The following SLC9A6 variants were observed in gnomAD, a reference collection of about 807,000 sequenced individuals.
SLC9A6 encodes the protein solute carrier family 9 member A6, also known as sodium/hydrogen exchanger 6.
SLC9A6 carries 6 observed loss-of-function variants against 45.3 expected under a neutral mutation model. The observed-to-expected ratio is 0.13, with a 90% CI of 0.07 to 0.26. SLC9A6 has a LOEUF of 0.26. Ranked by LOEUF, SLC9A6 falls within the 10% of genes least tolerant of loss-of-function variation. The pLI is 1.00. For missense variants in SLC9A6, 278 were observed against 503.7 expected (o/e 0.55, Z 4.29); for synonymous variants, 191 against 187.7 (o/e 1.02, Z -0.14).
In SLC9A6 at chrX:135,998,890, G is replaced by A. The variant is rs1556616995; in HGVS notation, c.559G>A (p.Val187Ile). ...GTATGGCTGTGTAACGCTGATGAAG[G>A]TAACGGGACAACTTGCAGGAGATTT... ...IMYGCVTLMK[V>I]TGQLAGDFYF... Residue 187 changes from valine (V) to isoleucine (I), a missense_variant, in exon 6 of 18, where the codon GTA (valine) becomes ATA (isoleucine). By Grantham distance (29) the Val-to-Ile change is conservative (BLOSUM62 3). This residue lies in a region of SLC9A6 where 118 missense variants were observed against 209.9 expected (regional missense o/e 0.56). Transcript: ENST00000630721. The A allele has an allele frequency of 1.7e-6, 2 of 1,208,374 alleles. No homozygotes were observed. Among genetic ancestry groups the A allele is most frequent in the Admixed American group, 4.3e-5 (2 of 46,011 alleles).
rs1556614733 is a variant in SLC9A6 at position 135,985,560 on chromosome X, C to G, written c.-56-43C>G. On this transcript the variant is annotated intron_variant, in intron 1 of 17. Coordinates refer to ENST00000630721, the MANE Select transcript of SLC9A6 (RefSeq NM_001379110.1). ...CCGCCGTGGCGTCGGCAGCAGTCCC[C>G]GAGCCCGCAGGCTCATGCGGCCCCT... 3 of 1,191,698 alleles carry G rather than the reference C, an allele frequency of 2.5e-6. No individual in the cohort carries two copies. Among genetic ancestry groups the G allele is most frequent in the East Asian group, 6.0e-5 (2 of 33,149 alleles).
chrX:135,990,277 C>T (rs1257460471), intron 2 of SLC9A6, among the ~76,000 whole-genome samples: 4 of 112,186 alleles, frequency 3.6e-5, no homozygotes, highest in African/African-American at 1.3e-4. Context: ...TGAGCCACAG[C>T]ACCCAGCCAT....
At position 135,989,649 on chromosome X, in the gene SLC9A6, C is replaced by G. The variant is rs1345879952; in HGVS notation, c.169+3822C>G. On this transcript the variant is annotated intron_variant, in intron 2 of 17. Coordinates refer to ENST00000630721, the MANE Select transcript of SLC9A6 (RefSeq NM_001379110.1). ...CTGTAGAAATTGTATCAGTTTTGGT[C>G]ACACTTAATGCCCTAGTGATGTTCT... is the stretch of plus-strand genomic sequence containing the variant. Among the ~76,000 whole-genome samples, 2 of 112,056 alleles carry G rather than the reference C, an allele frequency of 1.8e-5. 1 individual carries two copies. Among genetic ancestry groups the G allele is most frequent in the Non-Finnish European group, 3.8e-5 (2 of 53,247 alleles).
chrX:135,977,166 T>C lies in SLC9A6; in HGVS notation c.-57+2383T>C, dbSNP rs956666669. On this transcript the variant is annotated intron_variant, in intron 1 of 16. Transcript: ENST00000636092. The stretch of plus-strand genomic sequence containing the variant: ...CTCTTAGAACAAAAGTCAAACCTCA[T>C]GAGAAAGTGCATTTAAATTCCTAAG... 6.2e-5 allele frequency among the ~76,000 whole-genome samples: 7 copies of C among 112,200 alleles called. No homozygotes were observed. The Admixed American group carries it at 6.6e-4, about 11-fold the overall frequency.
intron 1 of SLC9A6, among the ~76,000 whole-genome samples, chrX:135,979,021 C>T (rs928726386): frequency 9.1e-6 from 1 of 110,450 alleles, no homozygotes; most frequent in Non-Finnish European, 1.9e-5. Context: ...CATTTCTTCC[C>T]TGCTTTGTAA....
intron 6 of SLC9A6, among the ~76,000 whole-genome samples, chrX:136,001,493 A>G (rs1206557052): frequency 4.5e-5 from 5 of 111,524 alleles, no homozygotes; most frequent in African/African-American, 1.6e-4. Context: ...TTCTCATATA[A>G]TTGCTTTCCT....
In SLC9A6 at chrX:136,037,232, A is replaced by G. The variant is rs781988208; in HGVS notation, c.1662-2844A>G. ...TTTAAATTTTAGAAACAGCTTGTCA[A>G]TTTACACACATGTGCATGTGCACAC... On this transcript the variant is annotated intron_variant, in intron 16 of 17. Transcript: ENST00000630721. Among the ~76,000 whole-genome samples the G allele has an allele frequency of 1.3e-3, 140 of 111,965 alleles. 1 individual carries two copies. The highest frequency in any genetic ancestry group is 4.5e-3 in the African/African-American group (138 of 30,676).
chrX:135,974,483 G>C (rs2089250014), upstream of SLC9A6, among the ~76,000 whole-genome samples: 1 of 80,582 alleles, frequency 1.2e-5, no homozygotes, highest in East Asian at 4.0e-4. Flanking sequence ...CGGGGAGGAG[G>C]TGGGGCCGAG....
At chrX:136,018,884 C>T (rs1556619597) in intron 11 of SLC9A6, among the ~76,000 whole-genome samples, 3 of 109,486 alleles carry the variant, frequency 2.7e-5, no homozygotes, top group African/African-American at 1.0e-4. Context: ...TGTGAATGAA[C>T]TTTAGGCAAA....
At position 136,019,400 on chromosome X, in the gene SLC9A6, A is replaced by G. The variant is rs781970721; in HGVS notation, c.1194+2642A>G. Among the ~76,000 whole-genome samples, 7 of 111,580 alleles carry G rather than the reference A, an allele frequency of 6.3e-5. No individual in the cohort carries two copies. In the South Asian group the frequency reaches 2.7e-3, roughly 43 times the overall value. On this transcript the variant is annotated intron_variant, in intron 11 of 17. Coordinates refer to ENST00000630721, the MANE Select transcript of SLC9A6 (RefSeq NM_001379110.1). ...CCCAGAATGTGCACACGTCCCTTCC[A>G]CTTAACATCATTGATTACACCTACT... is the stretch of plus-strand genomic sequence containing the variant.
At chrX:136,002,981 T>A (rs2089604553) in intron 7 of SLC9A6, among the ~76,000 whole-genome samples, 2 of 110,444 alleles carry the variant, frequency 1.8e-5, no homozygotes. Flanking sequence ...TAGTTCCTTG[T>A]AGATAACTTT....
chrX:136,022,643 T>A lies in SLC9A6; in HGVS notation c.1252T>A (p.Leu418Met). The A allele has an allele frequency of 3.3e-6, 4 of 1,198,143 alleles. No individual in the cohort carries two copies. Among genetic ancestry groups the A allele is most frequent in the Non-Finnish European group, 4.5e-6 (4 of 885,969 alleles). The stretch of plus-strand genomic sequence containing the variant: ...TTACCCCTTGTCCCTCTTACTTAAT[T>A]TGGGTAGAAGAAGTAAGATTGGATC... The part of the protein sequence containing the change: ...NIYPLSLLLN[L>M]GRRSKIGSNF... Residue 418 changes from leucine to methionine, a missense_variant, in exon 12 of 18, where the codon TTG becomes ATG. This residue lies in a region of SLC9A6 where 41 missense variants were observed against 51.8 expected (regional missense o/e 0.79). Coordinates refer to ENST00000630721, the MANE Select transcript of SLC9A6 (RefSeq NM_001379110.1).
intron 7 of SLC9A6, among the ~76,000 whole-genome samples, chrX:136,004,080 C>CTTTTTT (rs782804669): frequency 1.5e-5 from 1 of 66,243 alleles, no homozygotes; most frequent in African/African-American, 6.0e-5. Context: ...CCTCCCTAAT[C>CTTTTTT]TTTTTTTTTT....
At position 135,994,906 on chromosome X, in the gene SLC9A6, A is replaced by C; in HGVS notation, c.290A>C (p.Lys97Thr). Residue 97 changes from lysine to threonine, a missense_variant, in exon 3 of 18, where the codon AAA becomes ACA. This residue lies in a region of SLC9A6 where 118 missense variants were observed against 209.9 expected (regional missense o/e 0.56). Coordinates refer to ENST00000630721, the MANE Select transcript of SLC9A6 (RefSeq NM_001379110.1). Reference sequence around the variant, plus strand: ...ACCTTACTGGTAAATGTTAGTGGAAAATTTTATGAGTATATGCTGAAAGGA... The same window carrying C: ...ACCTTACTGGTAAATGTTAGTGGAACATTTTATGAGTATATGCTGAAAGGA... ...PTTLLVNVSG[K>T]FYEYMLKGEI... 8.3e-7 allele frequency: 1 copy of C among 1,205,257 alleles called. No homozygotes were observed. The highest frequency in any genetic ancestry group is 1.1e-6 in the Non-Finnish European group (1 of 889,481).
chrX:136,021,892 C>T (rs1603213242), intron 11 of SLC9A6, among the ~76,000 whole-genome samples: 1 of 111,965 alleles, frequency 8.9e-6, no homozygotes, highest in South Asian at 3.7e-4. Context: ...GAGACTGTAT[C>T]GTGACTCCTG....
At chrX:135,999,148 TG>T (rs1350557648) in intron 6 of SLC9A6, among the ~76,000 whole-genome samples, 180 bp downstream of exon 6, 1 of 110,603 alleles carries the variant, frequency 9.0e-6, no homozygotes, top group Non-Finnish European at 1.9e-5. Context: ...AGCACAAATT[TG>T]TTTTCCTTTT....
intron 3 of SLC9A6, among the ~76,000 whole-genome samples, chrX:135,996,419 G>A (rs1344288039): frequency 9.0e-6 from 1 of 111,500 alleles, no homozygotes; most frequent in East Asian, 2.8e-4. Flanking sequence ...CTTTCCACCT[G>A]TGGAAAATTC....
intron 1 of SLC9A6, among the ~76,000 whole-genome samples, chrX:135,975,653 G>A (rs1018747722): frequency 8.9e-6 from 1 of 112,021 alleles, no homozygotes; most frequent in Non-Finnish European, 1.9e-5. Flanking sequence ...AAATAATTGG[G>A]ACAGTATCCC....
At chrX:135,991,232 C>T (rs2089424525) in intron 2 of SLC9A6, among the ~76,000 whole-genome samples, 1 of 103,412 alleles carries the variant, frequency 9.7e-6, no homozygotes, top group African/African-American at 3.5e-5. Flanking sequence ...CTCCTCTCTG[C>T]TCCCTCCCTG....
Sources: allele counts gnomAD v4.1 joint callset (sites outside exome capture counted in the v4.1 genomes callset), GRCh38; gene constraint gnomAD v4.1.1; regional missense constraint gnomAD v4.1.1; transcripts MANE v1.5; gene names NCBI Gene and HGNC (gene_info 2026-07-23, HGNC 2026-07-21).